ZNF804B: variants seen among roughly 807,000 people sequenced by gnomAD.
ZNF804B encodes zinc finger protein 804B.
Under a neutral mutation model 101.4 loss-of-function variants are expected in ZNF804B, and 80 were observed. The ratio of observed to expected loss-of-function variants is 0.79; its 90% confidence interval spans 0.66 to 0.95. The LOEUF (loss-of-function observed/expected upper bound fraction) is 0.95. ZNF804B is among the 40% of genes least tolerant of loss of function. ZNF804B has a pLI of 0.00. For synonymous variants in ZNF804B, 622 were observed against 558.8 expected, an observed-to-expected ratio of 1.11 and a Z score of -1.59; for missense variants, 1,673 against 1,561.9, an observed-to-expected ratio of 1.07 and a Z score of -1.20.
At chr7:88,905,179 T>C (rs2115961855) in intron 1 of ZNF804B, among the ~76,000 whole-genome samples, 1 of 152,266 alleles carries the variant, frequency 6.6e-6, no homozygotes, top group African/African-American at 2.4e-5. Flanking sequence ...TTTTATCAAA[T>C]GCTTTTCCTG....
At chr7:88,948,477 T>C (rs1156852612) in intron 1 of ZNF804B, among the ~76,000 whole-genome samples, 1 of 151,762 alleles carries the variant, frequency 6.6e-6, no homozygotes, top group Non-Finnish European at 1.5e-5. Flanking sequence ...AAATACCTGG[T>C]AACTGACCTA....
At chr7:88,940,325 A>G (rs1438618418) in intron 1 of ZNF804B, among the ~76,000 whole-genome samples, 1 of 152,046 alleles carries the variant, frequency 6.6e-6, no homozygotes, top group Non-Finnish European at 1.5e-5. Context: ...AATTTTATGG[A>G]AAAAAATTAT....
At chr7:89,333,039 T>C (rs763938728) in intron 3 of ZNF804B, among the ~76,000 whole-genome samples, 2 of 151,988 alleles carry the variant, frequency 1.3e-5, no homozygotes, top group Non-Finnish European at 2.9e-5. Flanking sequence ...ATTAGTGAAA[T>C]CATGTTAAAT....
At chr7:89,289,246 G>A (rs189249057) in intron 2 of ZNF804B, among the ~76,000 whole-genome samples, 79 of 152,182 alleles carry the variant, frequency 5.2e-4, no homozygotes, top group Non-Finnish European at 9.7e-4. Context: ...TTGTCGTTAC[G>A]TTAAATATAA....
chr7:89,180,942 A>G (rs1044106466), intron 1 of ZNF804B, among the ~76,000 whole-genome samples: 1 of 150,566 alleles, frequency 6.6e-6, no homozygotes, highest in Non-Finnish European at 1.5e-5. Context: ...GACAAGTGAG[A>G]TGGGGAGTCA....
chr7:89,238,366 A>G (rs1789315568), intron 2 of ZNF804B, among the ~76,000 whole-genome samples: 3 of 152,158 alleles, frequency 2.0e-5, no homozygotes, highest in African/African-American at 7.2e-5. Flanking sequence ...TTCTAAACTA[A>G]GGGTTGTGAT....
At chr7:89,105,900 T>C (rs1295289950) in intron 1 of ZNF804B, among the ~76,000 whole-genome samples, 1 of 152,106 alleles carries the variant, frequency 6.6e-6, no homozygotes. Flanking sequence ...TTCACAGAAC[T>C]CAGGGAAACA....
intron 1 of ZNF804B, among the ~76,000 whole-genome samples, chr7:89,131,152 TC>T (rs1790540703): frequency 6.6e-6 from 1 of 152,000 alleles, no homozygotes; most frequent in Non-Finnish European, 1.5e-5. Flanking sequence ...AACATAAAAA[TC>T]AAATTGACTT....
chr7:88,858,760 A>G (rs1791607898), intron 1 of ZNF804B, among the ~76,000 whole-genome samples: 1 of 152,174 alleles, frequency 6.6e-6, no homozygotes, highest in Admixed American at 6.6e-5. Flanking sequence ...AGCGTGGATA[A>G]ACATAGTTAT....
chr7:89,013,234 C>T (rs1788491704), intron 1 of ZNF804B, among the ~76,000 whole-genome samples: 1 of 152,094 alleles, frequency 6.6e-6, no homozygotes, highest in South Asian at 2.1e-4. Context: ...AAGATTTTAT[C>T]AGAGAAAGGT....
chr7:88,937,620 C>A (rs1369252336), intron 1 of ZNF804B, among the ~76,000 whole-genome samples: 3 of 151,454 alleles, frequency 2.0e-5, no homozygotes, highest in African/African-American at 7.3e-5. Context: ...GAGCTCTAGG[C>A]AAAAGCAAGT....
intron 2 of ZNF804B, among the ~76,000 whole-genome samples, chr7:89,265,296 G>A (rs1305206592): frequency 1.0e-5 from 1 of 96,328 alleles, no homozygotes; most frequent in Non-Finnish European, 2.3e-5. Context: ...GTGTGTGTGC[G>A]CGTGCGCGCG....
At chr7:89,174,539 A>G (rs1281273090) in intron 1 of ZNF804B, among the ~76,000 whole-genome samples, 2 of 152,002 alleles carry the variant, frequency 1.3e-5, no homozygotes, top group African/African-American at 2.4e-5. Context: ...CTTACTGTGA[A>G]TAGTGCTGCA....
In ZNF804B at chr7:89,335,024, A is replaced by G; in HGVS notation, c.2042A>G (p.His681Arg). 2.5e-6 allele frequency: 4 copies of G among 1,613,860 alleles called. No individual in the cohort carries two copies. The highest frequency in any genetic ancestry group is 3.4e-6 in the Non-Finnish European group (4 of 1,179,906). The part of the protein sequence containing the change: ...KDFSVILKSN[H>R]ISMTSKVSGC... ...TTCAGTGTAATTTTGAAGAGTAACC[A>G]CATCAGCATGACCAGCAAGGTTTCC... The change falls in exon 4 of 4, where the codon CAC (histidine) becomes CGC (arginine). Residue 681 changes from histidine (H) to arginine (R), a missense_variant. His to Arg is a conservative substitution (Grantham distance 29). Coordinates refer to ENST00000333190, the MANE Select transcript of ZNF804B (RefSeq NM_181646.5).
At chr7:89,242,861 A>C (rs556678195) in intron 2 of ZNF804B, among the ~76,000 whole-genome samples, 1 of 152,018 alleles carries the variant, frequency 6.6e-6, no homozygotes, top group African/African-American at 2.4e-5. Context: ...AAGGTTGAAT[A>C]ATGTGTTTTA....
intron 2 of ZNF804B, among the ~76,000 whole-genome samples, chr7:89,239,468 A>C (rs1201192929): frequency 5.9e-5 from 9 of 152,158 alleles, no homozygotes; most frequent in Admixed American, 5.9e-4. Context: ...ATGTCCTCAG[A>C]ACAGCACAGC....
chr7:89,038,659 A>G (rs768729435), intron 1 of ZNF804B, among the ~76,000 whole-genome samples: 2 of 152,164 alleles, frequency 1.3e-5, no homozygotes, highest in Admixed American at 6.6e-5. Context: ...TGTGGAAGCT[A>G]TTCAGTTTGA....
rs770033257 is a variant in ZNF804B, at chr7:88,866,583, A to T, written c.108+106499A>T. Among the ~76,000 whole-genome samples, 4 of 152,266 alleles carry T rather than the reference A, an allele frequency of 2.6e-5. No homozygotes were observed. The South Asian group carries it at 8.3e-4, about 32-fold the overall frequency. ...AAAACAAAACAAAACAAACAAACAA[A>T]AACCCTGACTTGTGACCTGACATGA... is the stretch of plus-strand genomic sequence containing the variant. On this transcript the variant is annotated intron_variant, in intron 1 of 3. Transcript: ENST00000333190.
At chr7:89,230,058 T>C (rs1474917905) in intron 2 of ZNF804B, among the ~76,000 whole-genome samples, 2 of 152,054 alleles carry the variant, frequency 1.3e-5, no homozygotes, top group African/African-American at 2.4e-5. Flanking sequence ...AATTATAGTG[T>C]TGAATGTTAT....
Sources: allele counts gnomAD v4.1 joint callset (sites outside exome capture counted in the v4.1 genomes callset), GRCh38; gene constraint gnomAD v4.1.1; transcripts MANE v1.5; gene names NCBI Gene and HGNC (gene_info 2026-07-23, HGNC 2026-07-21).